ZNF385D: variants seen among roughly 807,000 people sequenced by gnomAD.
ZNF385D encodes the protein zinc finger protein 659.
ZNF385D carries 15 observed loss-of-function variants against 35.8 expected under a neutral mutation model. The observed-to-expected ratio is 0.42, with a 90% confidence interval of 0.28 to 0.64. The LOEUF (loss-of-function observed/expected upper bound fraction) is 0.64. Ranked by LOEUF, ZNF385D falls within the 30% of genes least tolerant of loss-of-function variation. ZNF385D has a pLI of 0.23. For missense variants in ZNF385D, 474 were observed against 494.6 expected (o/e 0.96, Z 0.39); for synonymous variants, 212 against 186.8 (o/e 1.13, Z -1.10).
At chr3:22,252,418 A>G (rs750335331) in intron 2 of ZNF385D, among the ~76,000 whole-genome samples, 12 of 152,104 alleles carry the variant, frequency 7.9e-5, no homozygotes, top group African/African-American at 2.4e-4. Context: ...TTGCCTTCTG[A>G]TAAGTTACAG....
chr3:22,153,881 C>T (rs375552982), intron 3 of ZNF385D, among the ~76,000 whole-genome samples: 72 of 152,236 alleles, frequency 4.7e-4, no homozygotes, highest in African/African-American at 1.7e-3. Context: ...TTTACTCCCA[C>T]ACCATGTGGG....
chr3:21,940,682 G>T (rs992873769), intron 3 of ZNF385D, among the ~76,000 whole-genome samples: 1 of 152,072 alleles, frequency 6.6e-6, no homozygotes, highest in Non-Finnish European at 1.5e-5. Flanking sequence ...TTTCAATGCT[G>T]TGAAAAAATA....
chr3:21,563,316 T>G (rs1266745941), intron 3 of ZNF385D: 1 of 152,420 alleles, frequency 6.6e-6, no homozygotes, highest in East Asian at 1.9e-4. Context: ...TCCGGAACTG[T>G]GAGAAATAAA....
intron 3 of ZNF385D, among the ~76,000 whole-genome samples, chr3:21,984,840 C>G (rs369537381): frequency 7.9e-6 from 1 of 126,284 alleles, no homozygotes; most frequent in African/African-American, 2.7e-5. Context: ...CTTTTATTTC[C>G]TTGAGCAGTG....
At chr3:22,083,302 T>C (rs1032462873) in intron 3 of ZNF385D, among the ~76,000 whole-genome samples, 1 of 152,180 alleles carries the variant, frequency 6.6e-6, no homozygotes, top group African/African-American at 2.4e-5. Flanking sequence ...AAGGAGGATG[T>C]TCGAACCCAT....
intron 3 of ZNF385D, among the ~76,000 whole-genome samples, chr3:22,067,052 G>T (rs1183871167): frequency 6.6e-6 from 1 of 152,112 alleles, no homozygotes; most frequent in African/African-American, 2.4e-5. Context: ...CTCCTCAGTG[G>T]AATTACTCTT....
At chr3:21,948,513 G>C (rs1701904228) in intron 3 of ZNF385D, among the ~76,000 whole-genome samples, 1 of 152,040 alleles carries the variant, frequency 6.6e-6, no homozygotes, top group South Asian at 2.1e-4. Flanking sequence ...TGGACATATA[G>C]TCACATAACT....
intron 4 of ZNF385D, among the ~76,000 whole-genome samples, chr3:21,505,197 T>C (rs1706684096): frequency 6.6e-6 from 1 of 152,128 alleles, no homozygotes; most frequent in Non-Finnish European, 1.5e-5. Context: ...TGTTTGTTTT[T>C]TGAATCTGTT....
In ZNF385D at chr3:21,853,373, T is replaced by C. The variant is rs576952519; in HGVS notation, c.326-188345A>G. Among the ~76,000 whole-genome samples the C allele has an allele frequency of 5.3e-5, 8 of 151,932 alleles. No homozygotes were observed. In the East Asian group the frequency reaches 1.6e-3, roughly 29 times the overall value. On this transcript the variant is annotated intron_variant, in intron 3 of 5. Coordinates refer to the ZNF385D transcript ENST00000494108. ...AAGAAAAGTGGTAATATCTATTAGA[T>C]CAGAAATAATATGTTCAGTAAGTCA... is the stretch of plus-strand genomic sequence containing the variant.
At chr3:21,625,498 T>C (rs1219269690) in intron 2 of ZNF385D, among the ~76,000 whole-genome samples, 1 of 152,112 alleles carries the variant, frequency 6.6e-6, no homozygotes, top group African/African-American at 2.4e-5. Flanking sequence ...TTTCCTTCAC[T>C]GATGGCTATA....
In ZNF385D at chr3:21,670,647, G is replaced by GCCCCCCCCCCCCCC. The variant is rs1575432248; in HGVS notation, c.23-5620_23-5619insGGGGGGGGGGGGGG. Reference sequence around the variant, plus strand: ...CTGAGAAATAAAAATGAAATCCTAAGGCGCCCCCCCCCCCCCCCCCCCCCC... The same window carrying GCCCCCCCCCCCCCC: ...CTGAGAAATAAAAATGAAATCCTAAGCCCCCCCCCCCCCCGCGCCCCCCCCCCCCCCCCCCCCCC... On this transcript the variant is annotated intron_variant, in intron 1 of 7. Coordinates refer to ENST00000281523, the MANE Select transcript of ZNF385D (RefSeq NM_024697.3). Among the ~76,000 whole-genome samples the GCCCCCCCCCCCCCC allele has an allele frequency of 1.9e-4, 3 of 15,758 alleles. 1 individual carries two copies. Among genetic ancestry groups the GCCCCCCCCCCCCCC allele is most frequent in the African/African-American group, 2.5e-4 (1 of 4,068 alleles). The allele number at this position is 15,758 out of a possible 152,430, so 10.3% of individuals were successfully genotyped here. A position where few individuals can be genotyped will look rare whatever the true frequency, so the allele number is the denominator to read the frequency against.
intron 3 of ZNF385D, among the ~76,000 whole-genome samples, chr3:22,047,116 T>C (rs534577946): frequency 1.3e-5 from 2 of 152,140 alleles, no homozygotes; most frequent in Non-Finnish European, 2.9e-5. Context: ...TTCTTGTTGA[T>C]TGACAAATAA....
intron 1 of ZNF385D, among the ~76,000 whole-genome samples, chr3:21,669,510 A>G (rs933429831): frequency 1.3e-5 from 2 of 152,242 alleles, no homozygotes; most frequent in African/African-American, 4.8e-5. Context: ...ATTTGTTAAT[A>G]GAGACTGAGA....
intron 3 of ZNF385D, among the ~76,000 whole-genome samples, chr3:22,083,919 G>T (rs1464201086): frequency 6.6e-6 from 1 of 152,174 alleles, no homozygotes; most frequent in Non-Finnish European, 1.5e-5. Flanking sequence ...GAGAGTGGGG[G>T]CCAATATTCA....
intron 3 of ZNF385D, among the ~76,000 whole-genome samples, chr3:21,983,057 T>C (rs1161773662): frequency 2.0e-5 from 3 of 152,042 alleles, no homozygotes; most frequent in Middle Eastern, 3.4e-3. Context: ...TTTTCTTTTT[T>C]TGTTGTGTCT....
At chr3:22,296,253 C>A (rs1007976712) in intron 2 of ZNF385D, among the ~76,000 whole-genome samples, 8 of 152,138 alleles carry the variant, frequency 5.3e-5, no homozygotes, top group Admixed American at 2.6e-4. Context: ...TTCTACAGTT[C>A]AGGCAGGGCT....
At chr3:21,461,527 A>G (rs1703177125) in intron 4 of ZNF385D, among the ~76,000 whole-genome samples, 2 of 152,174 alleles carry the variant, frequency 1.3e-5, no homozygotes, top group South Asian at 4.1e-4. Context: ...CAGCCTGGGC[A>G]ATGGAGCTAG....
chr3:21,720,648 C>G (rs1357156336), intron 1 of ZNF385D, among the ~76,000 whole-genome samples: 1 of 152,200 alleles, frequency 6.6e-6, no homozygotes. Context: ...GTTTCACAAG[C>G]TCTCTGAGTG....
intron 3 of ZNF385D, among the ~76,000 whole-genome samples, chr3:21,932,099 G>A (rs1341012343): frequency 4.8e-5 from 7 of 145,612 alleles, no homozygotes; most frequent in African/African-American, 1.5e-4. Context: ...TCCTGGAGGC[G>A]GAGCTTGCAG....
Sources: allele counts gnomAD v4.1 joint callset (sites outside exome capture counted in the v4.1 genomes callset), GRCh38; gene constraint gnomAD v4.1.1; transcripts MANE v1.5; gene names NCBI Gene and HGNC (gene_info 2026-07-23, HGNC 2026-07-21).